The following ASXL2 variants were observed in gnomAD, a reference collection of about 807,000 sequenced individuals.
ASXL2 encodes ASXL transcriptional regulator 2.
Under a neutral mutation model 122.0 loss-of-function variants are expected in ASXL2, and 23 were observed. That is an observed-to-expected ratio of 0.19 (90% confidence interval 0.14 to 0.27). The LOEUF (loss-of-function observed/expected upper bound fraction) is 0.27. Ranked by LOEUF, ASXL2 falls within the 10% of genes least tolerant of loss-of-function variation. The pLI is 1.00. For synonymous variants in ASXL2, 650 were observed against 637.0 expected, an observed-to-expected ratio of 1.02 and a Z score of -0.31; for missense variants, 1,518 against 1,713.8, an observed-to-expected ratio of 0.89 and a Z score of 2.02.
intron 2 of ASXL2, among the ~76,000 whole-genome samples, chr2:25,840,630 TG>T (rs1266595930): frequency 6.6e-6 from 1 of 152,240 alleles, no homozygotes; most frequent in Non-Finnish European, 1.5e-5. Flanking sequence ...TTTGTCTTTT[TG>T]GGTCTGGCTT....
At chr2:25,836,634 T>C (rs1388567310) in intron 2 of ASXL2, among the ~76,000 whole-genome samples, 2 of 152,166 alleles carry the variant, frequency 1.3e-5, no homozygotes, top group Non-Finnish European at 2.9e-5. Flanking sequence ...AGAGGTAAAA[T>C]CTCAGTCTCT....
At chr2:25,843,261 C>T (rs976921050) in intron 2 of ASXL2, among the ~76,000 whole-genome samples, 4 of 149,052 alleles carry the variant, frequency 2.7e-5, no homozygotes, top group Non-Finnish European at 5.9e-5. Flanking sequence ...AAGATGGAAC[C>T]GCTGCACTCC....
chr2:25,788,656 C>T (rs1419042486), intron 5 of ASXL2, among the ~76,000 whole-genome samples: 4 of 152,156 alleles, frequency 2.6e-5, no homozygotes, highest in Admixed American at 2.6e-4. Flanking sequence ...AATAGTATCG[C>T]ATGTGGTTAT....
rs1176316367 is a variant in ASXL2 at position 25,742,679 on chromosome 2, G to C, written c.3658C>G (p.Leu1220Val). The C allele has an allele frequency of 6.2e-7, 1 of 1,613,960 alleles. No individual in the cohort carries two copies. The highest frequency in any genetic ancestry group is 1.7e-5 in the Admixed American group (1 of 60,026). ...TSSGPHSRETLSTSDCLASKN... is the reference protein window; with the variant it reads ...TSSGPHSRETVSTSDCLASKN... Reference sequence around the variant, plus strand: ...CTAGCTAAGCAATCACTGGTAGATAGAGTTTCCCTGCTGTGAGGTCCTGAA... The same window carrying C: ...CTAGCTAAGCAATCACTGGTAGATACAGTTTCCCTGCTGTGAGGTCCTGAA... Residue 1220 changes from leucine to valine, a missense_variant, in exon 13 of 13, where the codon CTA becomes GTA. Transcript: ENST00000435504.
chr2:25,743,844 T>C lies in ASXL2; in HGVS notation c.2493A>G (p.Lys831=). 1.2e-6 allele frequency: 2 copies of C among 1,614,022 alleles called. No homozygotes were observed. Among genetic ancestry groups the C allele is most frequent in the Non-Finnish European group, 1.7e-6 (2 of 1,179,898 alleles). The change falls in exon 13 of 13, where the codon AAA becomes AAG. Residue 831 remains lysine, a synonymous_variant. Coordinates refer to ENST00000435504, the MANE Select transcript of ASXL2 (RefSeq NM_018263.6). ...PQGPSSCRQE[K]APSPTGPALI... is the part of the protein sequence containing the mutation. Reference sequence around the variant, plus strand: ...GAGCAGGACCTGTTGGAGAAGGTGCTTTCTCCTGTCTGCAACTACTGGGCC... The same window carrying C: ...GAGCAGGACCTGTTGGAGAAGGTGCCTTCTCCTGTCTGCAACTACTGGGCC...
At chr2:25,816,250 A>G (rs56162746) in intron 3 of ASXL2, among the ~76,000 whole-genome samples, 6,452 of 152,138 alleles carry the variant, frequency 0.042, 213 homozygotes, top group African/African-American at 0.08. Context: ...AAAAAAAAAA[A>G]AAGTTAATAT....
Position 25,736,890 on chromosome 2 carries a change from C to T in ASXL2, c.*5139G>A, listed in dbSNP as rs976226746. The stretch of plus-strand genomic sequence containing the variant: ...GGCTATATACTTTTCTTTATAAAGA[C>T]GATGTAGGCACCATTTTGCTCCTAT... On this transcript the variant is annotated 3_prime_UTR_variant, in exon 13 of 13. Coordinates refer to ENST00000435504, the MANE Select transcript of ASXL2 (RefSeq NM_018263.6). The T allele has an allele frequency of 1.6e-4, 24 of 152,178 alleles. No homozygotes were observed. In the South Asian group the frequency reaches 1.9e-3, roughly 12 times the overall value. The allele number at this position is 152,178 out of a possible 1,614,324, so 9.4% of individuals were successfully genotyped here.
chr2:25,791,972 G>A (rs775750891), intron 5 of ASXL2, among the ~76,000 whole-genome samples: 1 of 152,186 alleles, frequency 6.6e-6, no homozygotes, highest in South Asian at 2.1e-4. Flanking sequence ...GAAGGCATGA[G>A]TGTAACAAGT....
At chr2:25,871,235 G>C (rs1200331053) in intron 1 of ASXL2, among the ~76,000 whole-genome samples, 1 of 152,152 alleles carries the variant, frequency 6.6e-6, no homozygotes, top group South Asian at 2.1e-4. Context: ...ACAGGACAAA[G>C]ATAGCAAGTT....
intron 1 of ASXL2, among the ~76,000 whole-genome samples, chr2:25,874,249 G>A (rs2089992819): frequency 6.6e-6 from 1 of 152,178 alleles, no homozygotes; most frequent in African/African-American, 2.4e-5. Context: ...ATCACACTGG[G>A]AGGCAGAGGT....
intron 1 of ASXL2, 41 bp downstream of exon 1, chr2:25,878,125 C>A: frequency 6.2e-7 from 1 of 1,612,684 alleles, no homozygotes; most frequent in South Asian, 1.1e-5. Flanking sequence ...GACAAGGGAA[C>A]AAAATCCTCC....
rs1426522064 is a variant in ASXL2 at position 25,735,608 on chromosome 2, A to T, written c.*6421T>A. 1 of 152,232 alleles carries T rather than the reference A, an allele frequency of 6.6e-6. No individual in the cohort carries two copies. The highest frequency in any genetic ancestry group is 1.5e-5 in the Non-Finnish European group (1 of 68,034). The allele number at this position is 152,232 out of a possible 1,614,324, so 9.4% of individuals were successfully genotyped here. ...TAGCTTCTTTTAGGTTTGAACAGTG[A>T]CAGGAAAGCTGCATTATTTACCCAA... On this transcript the variant is annotated 3_prime_UTR_variant, in exon 13 of 13. Transcript: ENST00000435504.
chr2:25,795,007 C>T (rs912067193), intron 5 of ASXL2, among the ~76,000 whole-genome samples: 3 of 152,082 alleles, frequency 2.0e-5, no homozygotes, highest in African/African-American at 7.2e-5. Context: ...ACATGTATGA[C>T]CCATGAAAGA....
chr2:25,760,501 C>T (rs2149147299), intron 8 of ASXL2, among the ~76,000 whole-genome samples: 1 of 152,312 alleles, frequency 6.6e-6, no homozygotes, highest in Non-Finnish European at 1.5e-5. Context: ...TCAAATGCTG[C>T]TGATGGGGCT....
chr2:25,801,215 G>A (rs763330374), intron 4 of ASXL2, among the ~76,000 whole-genome samples: 10 of 152,212 alleles, frequency 6.6e-5, no homozygotes, highest in African/African-American at 2.2e-4. Context: ...GATTACAGGC[G>A]TGTGCCACTG....
intron 5 of ASXL2, among the ~76,000 whole-genome samples, chr2:25,795,951 A>C (rs1408820833): frequency 6.6e-6 from 1 of 152,172 alleles, no homozygotes; most frequent in African/African-American, 2.4e-5. Context: ...CCACACATCA[A>C]CAATTAACTA....
In ASXL2 at chr2:25,738,545, C is replaced by T. The variant is rs2087774329; in HGVS notation, c.*3484G>A. ...AGGTCAAAGAGAAAACACTCTGGCA[C>T]TGCTCACTGATAGTGAGTTCTAGAA... On this transcript the variant is annotated 3_prime_UTR_variant, in exon 13 of 13. Transcript: ENST00000435504. 1.3e-5 allele frequency: 2 copies of T among 152,210 alleles called. No individual in the cohort carries two copies. Among genetic ancestry groups the T allele is most frequent in the Non-Finnish European group, 2.9e-5 (2 of 68,046 alleles). 9.4% of individuals were successfully genotyped at this position (152,210 alleles called of 1,614,324 possible). A position where few individuals can be genotyped will look rare whatever the true frequency, so the allele number is the denominator to read the frequency against.
In ASXL2 at chr2:25,799,452, C is replaced by T; in HGVS notation, c.336G>A (p.Glu112=). 1 of 1,613,994 alleles carries T rather than the reference C, an allele frequency of 6.2e-7. No individual in the cohort carries two copies. Among genetic ancestry groups the T allele is most frequent in the Non-Finnish European group, 8.5e-7 (1 of 1,179,892 alleles). Residue 112 remains glutamate (E), a synonymous_variant, in exon 5 of 13, where the codon GAG becomes GAA. Transcript: ENST00000435504. ...CACCATCACTGCTGCTGCTGCTGTTCTCAGAACTCTGGGAATCTGACTGAC... is the reference window on the plus strand; with the variant it reads ...CACCATCACTGCTGCTGCTGCTGTTTTCAGAACTCTGGGAATCTGACTGAC... ...SDGQSDSQSS[E]NSSSSSDGGS...
At chr2:25,843,830 A>G (rs992765341) in intron 2 of ASXL2, among the ~76,000 whole-genome samples, 1 of 150,870 alleles carries the variant, frequency 6.6e-6, no homozygotes, top group Admixed American at 6.6e-5. Context: ...AAAAAAAAAA[A>G]AAGAAAGAAA....
Sources: allele counts gnomAD v4.1 joint callset (sites outside exome capture counted in the v4.1 genomes callset), GRCh38; gene constraint gnomAD v4.1.1; transcripts MANE v1.5; gene names NCBI Gene and HGNC (gene_info 2026-07-23, HGNC 2026-07-21).